RTN4: variants seen among roughly 807,000 people sequenced by gnomAD.
RTN4 encodes the protein reticulon-4.
Under a neutral mutation model 90.4 loss-of-function variants are expected in RTN4, and 32 were observed. That is an observed-to-expected ratio of 0.35 (90% CI 0.27 to 0.48). The LOEUF (loss-of-function observed/expected upper bound fraction) is 0.48. Ranked by LOEUF, RTN4 falls within the 20% of genes least tolerant of loss-of-function variation. The probability of loss-of-function intolerance (pLI) is 0.99; values close to 1 mark genes in which losing one functional copy is unlikely to be tolerated. For synonymous variants in RTN4, 629 were observed against 552.5 expected, an observed-to-expected ratio of 1.14 and a Z score of -1.94; for missense variants, 1,706 against 1,430.2, an observed-to-expected ratio of 1.19 and a Z score of -3.11.
intron 4 of RTN4, among the ~76,000 whole-genome samples, chr2:54,983,478 G>C (rs774850945): frequency 1.8e-4 from 27 of 152,066 alleles, no homozygotes; most frequent in Admixed American, 1.2e-3. Context: ...GTGTTCCCTC[G>C]TATCTGTTGG....
upstream of RTN4, among the ~76,000 whole-genome samples, chr2:55,052,824 G>A (rs974744759): frequency 1.3e-5 from 2 of 152,128 alleles, no homozygotes; most frequent in African/African-American, 4.8e-5. Context: ...TTCCCCGCAT[G>A]CTTTTCCCAC....
chr2:55,044,395 GAAACAAACAAAC>G (rs745585359), intron 1 of RTN4, among the ~76,000 whole-genome samples: 2 of 151,308 alleles, frequency 1.3e-5, no homozygotes, highest in African/African-American at 2.4e-5. Flanking sequence ...TGTCTCAAAA[GAAACAAACAAAC>G]AAACAAACAA....
At chr2:55,010,161 T>G (rs201191821) in intron 3 of RTN4, 33 of 1,612,326 alleles carry the variant, frequency 2.0e-5, no homozygotes, top group Non-Finnish European at 2.8e-5. Flanking sequence ...TTATTAATTA[T>G]GCATACCAAC....
chr2:55,049,172 G>A (rs201921542), intron 1 of RTN4: 3 of 986,328 alleles, frequency 3.0e-6, no homozygotes, highest in Non-Finnish European at 3.6e-6. Flanking sequence ...TTTCCACTCG[G>A]CCAGCTCCCC....
chr2:55,007,351 T>C (rs1325844880), intron 3 of RTN4, among the ~76,000 whole-genome samples: 3 of 152,302 alleles, frequency 2.0e-5, no homozygotes, highest in East Asian at 1.9e-4. Flanking sequence ...GTTGATCTTA[T>C]GCAGCACCCT....
intron 5 of RTN4, among the ~76,000 whole-genome samples, chr2:54,975,059 A>G (rs559803762): frequency 6.6e-6 from 1 of 152,302 alleles, no homozygotes; most frequent in Non-Finnish European, 1.5e-5. Flanking sequence ...CCCTAACAAC[A>G]TTTACCTTTT....
chr2:55,087,186 C>T (rs1004106360), intron 1 of RTN4, among the ~76,000 whole-genome samples: 1 of 151,942 alleles, frequency 6.6e-6, no homozygotes, highest in Non-Finnish European at 1.5e-5. Flanking sequence ...GAATATGTAC[C>T]CAAGTTGTGG....
chr2:55,009,689 C>A (rs1012344407), intron 3 of RTN4, among the ~76,000 whole-genome samples: 1 of 152,180 alleles, frequency 6.6e-6, no homozygotes, highest in Non-Finnish European at 1.5e-5. Context: ...AACCTTTGCA[C>A]AGAATTTCAA....
intron 5 of RTN4, among the ~76,000 whole-genome samples, chr2:54,979,393 T>G (rs566125219): frequency 2.1e-3 from 315 of 152,218 alleles, no homozygotes; most frequent in African/African-American, 7.4e-3. Flanking sequence ...GCTCTCTATA[T>G]AAACAAAAAC....
intron 1 of RTN4, among the ~76,000 whole-genome samples, chr2:55,095,647 C>T (rs1669017448): frequency 6.6e-6 from 1 of 152,164 alleles, no homozygotes; most frequent in Non-Finnish European, 1.5e-5. Context: ...CCCTATCTCC[C>T]TGCCCCTGAC....
intron 1 of RTN4, among the ~76,000 whole-genome samples, chr2:55,093,863 T>C (rs1049946341): frequency 1.3e-5 from 2 of 152,200 alleles, no homozygotes; most frequent in African/African-American, 2.4e-5. Context: ...GTTTGCTTTT[T>C]CTAAGGGAAA....
At chr2:55,022,804 G>C (rs988441861) in intron 3 of RTN4, among the ~76,000 whole-genome samples, 1 of 151,642 alleles carries the variant, frequency 6.6e-6, no homozygotes, top group African/African-American at 2.4e-5. Context: ...ATCTTAATCT[G>C]ACTACACAGT....
At chr2:54,973,745 G>A in intron 7 of RTN4, 76 bp downstream of exon 7, 1 of 1,507,950 alleles carries the variant, frequency 6.6e-7, no homozygotes, top group South Asian at 1.1e-5. Flanking sequence ...TTGAAAATGG[G>A]CACTAATACA....
chr2:55,027,610 G>A, intron 2 of RTN4, 125 bp from the exon 3 acceptor site: 1 of 928,254 alleles, frequency 1.1e-6, no homozygotes, highest in Non-Finnish European at 1.6e-6. Context: ...AATGTTAATA[G>A]CAATTAATAA....
At chr2:55,031,225 G>C (rs1395773464) in intron 1 of RTN4, among the ~76,000 whole-genome samples, 1 of 152,176 alleles carries the variant, frequency 6.6e-6, no homozygotes, top group East Asian at 1.9e-4. Context: ...ACTATCTTGA[G>C]ACACTGGACA....
In RTN4 at chr2:55,042,773, T is replaced by C. The variant is rs180691320; in HGVS notation, c.556+6972A>G. Among the ~76,000 whole-genome samples the C allele has an allele frequency of 3.2e-3, 493 of 152,286 alleles. 2 individuals carry two copies. The highest frequency in any genetic ancestry group is 5.6e-3 in the Admixed American group (86 of 15,290). ...TTTCTCATTCAACAAACTGAGTGCC[T>C]ATCACATCTAAGGCACTGCAATGCA... On this transcript the variant is annotated intron_variant, in intron 1 of 8. Transcript: ENST00000337526.
rs992309032 is a variant in RTN4, at chr2:55,050,115, C to T, written c.186G>A (p.Gly62=). 3 of 1,506,076 alleles carry T rather than the reference C, an allele frequency of 2.0e-6. No homozygotes were observed. Among genetic ancestry groups the T allele is most frequent in the Non-Finnish European group, 2.6e-6 (3 of 1,132,576 alleles). 93.3% of individuals were successfully genotyped at this position (1,506,076 alleles called of 1,614,324 possible). ...LEVLERKPAA[G]LSAAPVPTAP... Reference sequence around the variant, plus strand: ...CGGTGGGCACTGGGGCCGCGGACAGCCCGGCGGCGGGCTTCCTCTCCAGCA... The same window carrying T: ...CGGTGGGCACTGGGGCCGCGGACAGTCCGGCGGCGGGCTTCCTCTCCAGCA... The change falls in exon 1 of 9, where the codon GGG becomes GGA. Residue 62 remains glycine, a synonymous_variant. Coordinates refer to ENST00000337526, the MANE Select transcript of RTN4 (RefSeq NM_020532.5). This position sits in a 1 kb window ranked among gnomAD's most constrained non-coding sequence, Gnocchi z 4.6.
intron 2 of RTN4, among the ~76,000 whole-genome samples, chr2:55,078,105 A>G (rs976340463): frequency 1.3e-5 from 2 of 152,090 alleles, no homozygotes; most frequent in African/African-American, 4.8e-5. Context: ...GGGTGCACCA[A>G]AATCTCACAA....
intron 8 of RTN4, 133 bp from the exon 9 acceptor site, chr2:54,973,331 A>ATAAT (rs1186053791): frequency 1.4e-5 from 13 of 942,534 alleles, no homozygotes; most frequent in South Asian, 1.1e-4. Context: ...ATTCTAAGCT[A>ATAAT]TAATTTTGCC....
Sources: gnomAD v4.1 joint callset for allele counts (sites outside exome capture counted in the v4.1 genomes callset) on GRCh38, gnomAD v4.1.1 for gene constraint, Gnocchi (gnomAD v3.1) non-coding constraint, MANE v1.5 for transcripts, NCBI Gene and HGNC (gene_info 2026-07-23, HGNC 2026-07-21) for gene names.